Variants in ARIH2 observed in about 807,000 individuals in gnomAD.
ARIH2 encodes the protein E3 ubiquitin-protein ligase ARIH2.
In ARIH2, 12 loss-of-function variants were observed where a neutral mutation model predicts 79.8. That is an observed-to-expected ratio of 0.15 (90% confidence interval 0.10 to 0.24). The LOEUF (loss-of-function observed/expected upper bound fraction) is 0.24, where lower values mean the gene tolerates loss of function less well. Among genes scored for constraint, ARIH2 ranks in the 10% least tolerant of loss-of-function variants. The probability of loss-of-function intolerance (pLI) is 1.00; values close to 1 mark genes in which losing one functional copy is unlikely to be tolerated. For synonymous variants in ARIH2, 224 were observed against 213.9 expected (o/e 1.05, Z -0.41); for missense variants, 301 against 618.3 (o/e 0.49, Z 5.44).
intron 3 of ARIH2, chr3:48,944,956 TAC>T: frequency 2.3e-6 from 1 of 430,356 alleles, no homozygotes; most frequent in Non-Finnish European, 4.3e-6. Flanking sequence ...CACAGTTCAC[TAC>T]CTTTCTTCAT....
At chr3:48,952,055 C>A (rs2090026916) in intron 3 of ARIH2, among the ~76,000 whole-genome samples, 1 of 151,996 alleles carries the variant, frequency 6.6e-6, no homozygotes, top group African/African-American at 2.4e-5. Flanking sequence ...GATTTTTGGA[C>A]CTTTTTTAAT....
At chr3:48,955,953 G>A (rs147943171) in intron 3 of ARIH2, among the ~76,000 whole-genome samples, 15 of 152,258 alleles carry the variant, frequency 9.9e-5, no homozygotes, top group African/African-American at 3.6e-4. Context: ...CTTTTGCTCA[G>A]AGGACTCTGG....
chr3:48,966,637 C>G (rs1576456447), intron 5 of ARIH2, among the ~76,000 whole-genome samples: 1 of 152,168 alleles, frequency 6.6e-6, no homozygotes, highest in Non-Finnish European at 1.5e-5. Context: ...CTGTCCTTGA[C>G]AAGTAAAACT....
At chr3:48,954,076 G>A (rs775369012) in intron 3 of ARIH2, among the ~76,000 whole-genome samples, 5 of 152,008 alleles carry the variant, frequency 3.3e-5, no homozygotes, top group Non-Finnish European at 7.4e-5. Flanking sequence ...CAGGAGAATC[G>A]CTTGAACCTG....
At chr3:48,933,316 G>GT (rs1559731790) in intron 3 of ARIH2, among the ~76,000 whole-genome samples, 40 of 140,204 alleles carry the variant, frequency 2.9e-4, no homozygotes, top group African/African-American at 9.8e-4. Flanking sequence ...CATGCCCGGG[G>GT]GTGTGTGTGT....
intron 1 of ARIH2, chr3:48,921,615 G>A (rs562768263): frequency 1.3e-5 from 2 of 151,234 alleles, no homozygotes; most frequent in Non-Finnish European, 1.5e-5. Context: ...TGTGTTTTTT[G>A]TAGCAGTGAG....
At chr3:48,941,593 C>CTTTTTTTTTT (rs1421452514) in intron 3 of ARIH2, among the ~76,000 whole-genome samples, 3 of 135,650 alleles carry the variant, frequency 2.2e-5, no homozygotes, top group East Asian at 2.1e-4. Flanking sequence ...CTTTTCTTTT[C>CTTTTTTTTTT]TTTTTTTTTT....
intron 15 of ARIH2, 102 bp downstream of exon 15, chr3:48,983,081 G>T (rs995803601): frequency 6.7e-7 from 1 of 1,498,336 alleles, no homozygotes; most frequent in African/African-American, 1.4e-5. Flanking sequence ...CTGCTGCTAA[G>T]AATGGGAAGG....
At position 48,968,516 on chromosome 3, in the gene ARIH2, G is replaced by T; in HGVS notation, c.539-18G>T. The T allele has an allele frequency of 6.2e-7, 1 of 1,602,688 alleles. No homozygotes were observed. Among genetic ancestry groups the T allele is most frequent in the Non-Finnish European group, 8.5e-7 (1 of 1,172,304 alleles). On this transcript the variant is annotated intron_variant, in intron 6 of 15. Transcript: ENST00000356401. ...GAGCTATCGCACCTGGCCCCATCAG[G>T]TTGTTTTTGTTCAACAGGAGTCTCT...
chr3:48,953,435 G>A (rs1414903715), intron 3 of ARIH2, among the ~76,000 whole-genome samples: 3 of 151,610 alleles, frequency 2.0e-5, no homozygotes, highest in Non-Finnish European at 2.9e-5. Context: ...ACGGAGTCTC[G>A]CTCTGTCTCC....
chr3:48,973,331 A>C (rs926334870), intron 8 of ARIH2, among the ~76,000 whole-genome samples: 4 of 152,120 alleles, frequency 2.6e-5, no homozygotes, highest in Non-Finnish European at 5.9e-5. Context: ...TAATCCCAGC[A>C]CTTTGGGAGG....
intron 11 of ARIH2, among the ~76,000 whole-genome samples, chr3:48,976,133 A>G: frequency 6.7e-6 from 1 of 150,348 alleles, no homozygotes; most frequent in South Asian, 2.1e-4. Flanking sequence ...GCTGGTGTCC[A>G]ACTCTTGACC....
chr3:48,964,833 A>G, intron 4 of ARIH2, 86 bp from the exon 5 acceptor site: 1 of 1,046,532 alleles, frequency 9.6e-7, no homozygotes, highest in East Asian at 2.5e-5. Context: ...AAGATGCTCT[A>G]AACATCTTTC....
Position 48,979,582 on chromosome 3 carries a change from A to G in ARIH2, c.1062A>G (p.Gln354=), listed in dbSNP as rs778488824. 6.2e-7 allele frequency: 1 copy of G among 1,614,270 alleles called. No homozygotes were observed. The highest frequency in any genetic ancestry group is 8.5e-7 in the Non-Finnish European group (1 of 1,180,060). ...KENPDIVNQS[Q]QAQAREALKK... The stretch of plus-strand genomic sequence containing the variant: ...ATCCTGACATCGTGAACCAGAGCCA[A>G]CAAGCCCAGGCGAGGGAAGCCCTCA... Residue 354 remains glutamine, a synonymous_variant, in exon 12 of 16, where the codon CAA becomes CAG. Coordinates refer to ENST00000356401, the MANE Select transcript of ARIH2 (RefSeq NM_006321.4).
intron 13 of ARIH2, among the ~76,000 whole-genome samples, 159 bp downstream of exon 13, chr3:48,980,655 C>T (rs1251059527): frequency 6.6e-6 from 1 of 151,920 alleles, no homozygotes; most frequent in African/African-American, 2.4e-5. Flanking sequence ...GTGCTGTGCC[C>T]ATTAAGGACC....
chr3:48,939,540 G>A (rs978903068), intron 3 of ARIH2, among the ~76,000 whole-genome samples: 5 of 148,926 alleles, frequency 3.4e-5, no homozygotes, highest in African/African-American at 1.2e-4. Flanking sequence ...GGTGGATCAT[G>A]AGGTCAGGAG....
chr3:48,933,813 C>T (rs2086735600), intron 3 of ARIH2, among the ~76,000 whole-genome samples: 1 of 151,738 alleles, frequency 6.6e-6, no homozygotes, highest in South Asian at 2.1e-4. Context: ...AGCCTCCCAA[C>T]GTGCTGGGAT....
At chr3:48,975,998 C>T (rs1484993642) in intron 11 of ARIH2, among the ~76,000 whole-genome samples, 1 of 151,936 alleles carries the variant, frequency 6.6e-6, no homozygotes, top group Admixed American at 6.5e-5. Flanking sequence ...GCAACCTCCA[C>T]CTCCTGGGTT....
intron 8 of ARIH2, among the ~76,000 whole-genome samples, chr3:48,971,410 AATTTTTGT>A (rs1342649251): frequency 6.6e-6 from 1 of 152,106 alleles, no homozygotes; most frequent in Non-Finnish European, 1.5e-5. Context: ...ATGCCCAGCT[AATTTTTGT>A]ATTTTTAGTA....
Sources: gnomAD v4.1 joint callset for allele counts (sites outside exome capture counted in the v4.1 genomes callset) on GRCh38, gnomAD v4.1.1 for gene constraint, MANE v1.5 for transcripts, NCBI Gene and HGNC (gene_info 2026-07-23, HGNC 2026-07-21) for gene names.